Variants in ARHGEF12 observed in about 807,000 individuals in gnomAD.
ARHGEF12 encodes the protein Rho guanine nucleotide exchange factor 12.
A neutral mutation model predicts 211.2 loss-of-function variants in ARHGEF12; 66 were observed. The observed-to-expected ratio is 0.31, with a 90% CI of 0.26 to 0.38. ARHGEF12 has a LOEUF of 0.38. Ranked by LOEUF, ARHGEF12 falls within the 10% of genes least tolerant of loss-of-function variation. ARHGEF12 has a pLI of 1.00. For missense variants in ARHGEF12, 1,429 were observed against 1,869.5 expected (o/e 0.76, Z 4.34); for synonymous variants, 592 against 638.4 (o/e 0.93, Z 1.09).
At chr11:120,462,769 G>C (rs1264487578) in intron 27 of ARHGEF12, 1 of 152,178 alleles carries the variant, frequency 6.6e-6, no homozygotes, top group African/African-American at 2.4e-5. Context: ...TATTTTTCCA[G>C]TATTGTTTCC....
At chr11:120,397,828 T>A (rs1347684488) in intron 1 of ARHGEF12, among the ~76,000 whole-genome samples, 4 of 152,194 alleles carry the variant, frequency 2.6e-5, no homozygotes, top group Non-Finnish European at 5.9e-5. Context: ...TTTTATGAAG[T>A]TAAAGTTGTC....
At position 120,485,870 on chromosome 11, in the gene ARHGEF12, T is replaced by C. The variant is rs1309215263; in HGVS notation, c.*793T>C. On this transcript the variant is annotated 3_prime_UTR_variant, in exon 41 of 41. Coordinates refer to ENST00000397843, the MANE Select transcript of ARHGEF12 (RefSeq NM_015313.3). The stretch of plus-strand genomic sequence containing the variant: ...TTGAAAATGGGTGTGTTTTCTTCCA[T>C]TGTCGTCTTTTCTATTGAGGGTTGG... The C allele has an allele frequency of 1.3e-5, 3 of 233,300 alleles. No individual in the cohort carries two copies. Among genetic ancestry groups the C allele is most frequent in the East Asian group, 6.0e-5 (1 of 16,558 alleles). 14.5% of individuals were successfully genotyped at this position (233,300 alleles called of 1,614,324 possible).
chr11:120,465,112 GA>G, intron 27 of ARHGEF12, 124 bp from the exon 28 acceptor site: 2 of 1,210,144 alleles, frequency 1.7e-6, no homozygotes, highest in Non-Finnish European at 2.4e-6. Context: ...ATTCCACATA[GA>G]TATGCAGTTC....
chr11:120,385,550 A>G (rs1044979784), intron 1 of ARHGEF12: 6 of 913,712 alleles, frequency 6.6e-6, no homozygotes, highest in Non-Finnish European at 7.8e-6. Context: ...GTAGAAAAAT[A>G]GCTTCAGTGA....
At chr11:120,402,287 A>G (rs1393374242) in intron 1 of ARHGEF12, among the ~76,000 whole-genome samples, 1 of 152,118 alleles carries the variant, frequency 6.6e-6, no homozygotes, top group Non-Finnish European at 1.5e-5. Flanking sequence ...CTGCACTGAT[A>G]TTTACATCGT....
chr11:120,365,487 T>C (rs1190574430), intron 1 of ARHGEF12, among the ~76,000 whole-genome samples: 1 of 152,232 alleles, frequency 6.6e-6, no homozygotes, highest in African/African-American at 2.4e-5. Flanking sequence ...TCTGGGTGTT[T>C]AAATGTAATA....
intron 4 of ARHGEF12, chr11:120,410,378 G>C (rs934733508): frequency 6.6e-6 from 1 of 150,822 alleles, no homozygotes; most frequent in Non-Finnish European, 1.5e-5. Context: ...AATAATTTCT[G>C]AAAGACTGAT....
At chr11:120,392,241 A>G (rs988308898) in intron 1 of ARHGEF12, among the ~76,000 whole-genome samples, 12 of 152,186 alleles carry the variant, frequency 7.9e-5, no homozygotes, top group African/African-American at 2.4e-4. Context: ...TCTGTGGCCC[A>G]CATCTTCCCA....
intron 1 of ARHGEF12, among the ~76,000 whole-genome samples, chr11:120,360,368 T>C (rs1282219890): frequency 6.6e-6 from 1 of 152,156 alleles, no homozygotes; most frequent in East Asian, 1.9e-4. Flanking sequence ...TTACTAAACA[T>C]TTTTCTTTAA....
intron 1 of ARHGEF12, among the ~76,000 whole-genome samples, chr11:120,364,896 G>A (rs1943382200): frequency 2.1e-5 from 3 of 141,844 alleles, no homozygotes; most frequent in Admixed American, 1.5e-4. Flanking sequence ...ACAGCTCACT[G>A]TAGCCTCAGC....
In ARHGEF12 at chr11:120,421,455, T is replaced by TTTTTTTTG. The variant is rs1555109035; in HGVS notation, c.299-348_299-347insTTTTTTTG. 5.0e-5 allele frequency among the ~76,000 whole-genome samples: 5 copies of TTTTTTTTG among 99,958 alleles called. 1 individual carries two copies. The highest frequency in any genetic ancestry group is 2.6e-4 in the East Asian group (1 of 3,862). The allele number at this position is 99,958 out of a possible 152,430, so 65.6% of individuals were successfully genotyped here. The stretch of plus-strand genomic sequence containing the variant: ...TTTTTTTTTTTTGTTTTTTTTTTTT[T>TTTTTTTTG]GGAGATGGAGTCTCCCTCTGTCACC... On this transcript the variant is annotated intron_variant, in intron 5 of 40. Coordinates refer to ENST00000397843, the MANE Select transcript of ARHGEF12 (RefSeq NM_015313.3).
intron 4 of ARHGEF12, chr11:120,410,989 G>A (rs1298842103): frequency 6.6e-6 from 1 of 152,150 alleles, no homozygotes; most frequent in African/African-American, 2.4e-5. Flanking sequence ...GATCTGCGAT[G>A]TGTATTTAGA....
intron 1 of ARHGEF12, among the ~76,000 whole-genome samples, chr11:120,394,195 G>A (rs1036903807): frequency 6.6e-6 from 1 of 151,682 alleles, no homozygotes; most frequent in African/African-American, 2.4e-5. Flanking sequence ...TTAGAAAAGA[G>A]AGAAGGTCTA....
intron 1 of ARHGEF12, among the ~76,000 whole-genome samples, chr11:120,364,580 A>G (rs754132106): frequency 6.6e-6 from 1 of 152,198 alleles, no homozygotes; most frequent in African/African-American, 2.4e-5. Flanking sequence ...GCCTCTGAAG[A>G]GGTAGACCTA....
At chr11:120,445,756 G>A (rs1181789874) in intron 16 of ARHGEF12, among the ~76,000 whole-genome samples, 1 of 152,074 alleles carries the variant, frequency 6.6e-6, no homozygotes, top group Non-Finnish European at 1.5e-5. Flanking sequence ...AAAATGAGCT[G>A]GCATGATGGT....
chr11:120,415,405 G>A (rs1369497385), intron 4 of ARHGEF12, among the ~76,000 whole-genome samples: 1 of 152,134 alleles, frequency 6.6e-6, no homozygotes, highest in Admixed American at 6.5e-5. Context: ...CCTATGAACT[G>A]CAGTGTTAAA....
chr11:120,463,704 G>A (rs1946607088), intron 27 of ARHGEF12: 2 of 152,058 alleles, frequency 1.3e-5, no homozygotes, highest in Admixed American at 6.6e-5. Context: ...ATTCATCATA[G>A]AGTAAGAATA....
intron 17 of ARHGEF12, 100 bp from the exon 18 acceptor site, chr11:120,446,848 T>C (rs1006924265): frequency 1.6e-5 from 23 of 1,424,802 alleles, no homozygotes; most frequent in East Asian, 9.3e-5. Flanking sequence ...ACATTTTTCC[T>C]GTTCCTAGAA....
At chr11:120,382,358 A>G (rs1943900365) in intron 1 of ARHGEF12, among the ~76,000 whole-genome samples, 1 of 152,246 alleles carries the variant, frequency 6.6e-6, no homozygotes, top group Admixed American at 6.5e-5. Flanking sequence ...TTGAGTGGTC[A>G]TAATTCATTT....
Sources: gnomAD v4.1 joint callset for allele counts (sites outside exome capture counted in the v4.1 genomes callset) on GRCh38, gnomAD v4.1.1 for gene constraint, MANE v1.5 for transcripts, NCBI Gene and HGNC (gene_info 2026-07-23, HGNC 2026-07-21) for gene names.